The following ZNF395 variants were observed in gnomAD, a reference collection of about 807,000 sequenced individuals.
ZNF395 encodes the protein HD gene regulatory region-binding protein 2.
In ZNF395, 20 loss-of-function variants were observed where a neutral mutation model predicts 57.7. That is an observed-to-expected ratio of 0.35 (90% CI 0.24 to 0.50). The LOEUF is 0.50. ZNF395 is among the 20% of genes least tolerant of loss of function. The pLI, the probability that ZNF395 is intolerant of heterozygous loss-of-function variation, is 0.97. For synonymous variants in ZNF395, 295 were observed against 275.9 expected (o/e 1.07, Z -0.69); for missense variants, 606 against 671.2 (o/e 0.90, Z 1.07).
intron 7 of ZNF395, among the ~76,000 whole-genome samples, chr8:28,350,601 T>C (rs1189279856): frequency 6.6e-6 from 1 of 152,228 alleles, no homozygotes; most frequent in Admixed American, 6.5e-5. Flanking sequence ...TCAGGGCTAT[T>C]TGTGAAAACA....
chr8:28,368,474 G>A (rs1247888501), intron 1 of ZNF395: 2 of 152,226 alleles, frequency 1.3e-5, no homozygotes, highest in Non-Finnish European at 2.9e-5. Flanking sequence ...CCCAAAGCTA[G>A]CAAGCAGTGG....
intron 3 of ZNF395, among the ~76,000 whole-genome samples, chr8:28,357,808 T>C (rs1221949493): frequency 6.6e-6 from 1 of 152,218 alleles, no homozygotes; most frequent in African/African-American, 2.4e-5. Context: ...TTCGCACTCA[T>C]AGACAAACAC....
chr8:28,374,041 C>T (rs534779933), intron 1 of ZNF395, among the ~76,000 whole-genome samples: 1 of 152,196 alleles, frequency 6.6e-6, no homozygotes, highest in East Asian at 1.9e-4. Flanking sequence ...TTGGTATCAG[C>T]GTTTTTAACA....
chr8:28,376,678 C>T (rs1802044851), intron 1 of ZNF395, among the ~76,000 whole-genome samples: 1 of 151,962 alleles, frequency 6.6e-6, no homozygotes, highest in Non-Finnish European at 1.5e-5. Flanking sequence ...TATATGTAGC[C>T]CAGGGAACCA....
Position 28,362,774 on chromosome 8 carries a change from C to T in ZNF395, c.-58-1592G>A, listed in dbSNP as rs148122550. Among the ~76,000 whole-genome samples the T allele has an allele frequency of 8.6e-3, 1,316 of 152,234 alleles. 25 individuals are homozygous for T. Among genetic ancestry groups the T allele is most frequent in the African/African-American group, 0.03 (1,236 of 41,532 alleles). On this transcript the variant is annotated intron_variant, in intron 1 of 9. Coordinates refer to ENST00000344423, the MANE Select transcript of ZNF395 (RefSeq NM_018660.3). ...GCAAACATCTCCATAGTAACAAAAC[C>T]AAAATGGCAAAAGAATTGTAAAGAA...
At chr8:28,362,330 G>T (rs1445507995) in intron 1 of ZNF395, among the ~76,000 whole-genome samples, 1 of 152,194 alleles carries the variant, frequency 6.6e-6, no homozygotes, top group Non-Finnish European at 1.5e-5. Context: ...AATTCAGGTT[G>T]CCCTCCTCCT....
intron 1 of ZNF395, among the ~76,000 whole-genome samples, chr8:28,381,404 A>G (rs951107442): frequency 6.6e-6 from 1 of 151,948 alleles, no homozygotes. Flanking sequence ...GCTGGTCTCA[A>G]ACTCCAGGGT....
intron 1 of ZNF395, among the ~76,000 whole-genome samples, chr8:28,366,708 A>G (rs528716714): frequency 2.6e-5 from 4 of 151,824 alleles, no homozygotes; most frequent in African/African-American, 7.2e-5. Flanking sequence ...GCAGGTCACC[A>G]TTTGAACCTT....
intron 1 of ZNF395, among the ~76,000 whole-genome samples, chr8:28,381,860 C>G (rs1189646699): frequency 6.6e-6 from 1 of 152,172 alleles, no homozygotes; most frequent in Non-Finnish European, 1.5e-5. Flanking sequence ...GAACACAGGT[C>G]AAAGCCCTCT....
intron 1 of ZNF395, chr8:28,386,094 C>CCGCGGCCCTGCCCGCCCTCCCGG (rs1231442918): frequency 2.4e-4 from 35 of 147,334 alleles, no homozygotes; most frequent in Non-Finnish European, 4.1e-4. Context: ...GCTGCAGCGG[C>CCGCGGCCCTGCCCGCCCTCCCGG]CGCGGCCCTG....
Position 28,359,503 on chromosome 8 carries a change from A to G in ZNF395, c.473+89T>C. On this transcript the variant is annotated intron_variant, in intron 3 of 9. Coordinates refer to ENST00000344423, the MANE Select transcript of ZNF395 (RefSeq NM_018660.3). The surrounding 1 kb of genome is among the most constrained non-coding windows in gnomAD (Gnocchi z 4.7). ...TTGGCACCCAGATGCCAATGACACC[A>G]CATTTCTTCCCCACCACAACACAGC... 1 of 1,468,440 alleles carries G rather than the reference A, an allele frequency of 6.8e-7. No individual in the cohort carries two copies. The highest frequency in any genetic ancestry group is 9.1e-7 in the Non-Finnish European group (1 of 1,104,546). The allele number at this position is 1,468,440 out of a possible 1,614,324, so 91.0% of individuals were successfully genotyped here.
intron 1 of ZNF395, among the ~76,000 whole-genome samples, chr8:28,383,182 A>T (rs1473018762): frequency 6.6e-6 from 1 of 152,256 alleles, no homozygotes; most frequent in Non-Finnish European, 1.5e-5. Context: ...AAGGAGGCTA[A>T]GTAACAGTAA....
chr8:28,350,245 G>A (rs1266753220), intron 7 of ZNF395, 89 bp from the exon 8 acceptor site: 7 of 1,128,722 alleles, frequency 6.2e-6, no homozygotes, highest in African/African-American at 1.6e-5. Context: ...GACAGCAGCA[G>A]AAGGTGCATC....
intron 4 of ZNF395, among the ~76,000 whole-genome samples, chr8:28,355,041 A>T (rs185284754): frequency 1.3e-5 from 2 of 152,152 alleles, no homozygotes; most frequent in Non-Finnish European, 2.9e-5. Flanking sequence ...AACGTTATCT[A>T]TAAGTTATAA....
intron 1 of ZNF395, among the ~76,000 whole-genome samples, chr8:28,383,757 T>C (rs1436716960): frequency 6.6e-6 from 1 of 151,940 alleles, no homozygotes; most frequent in Non-Finnish European, 1.5e-5. Context: ...CCCTTCCCTC[T>C]CCCGGCATCT....
intron 1 of ZNF395, among the ~76,000 whole-genome samples, chr8:28,376,556 G>A (rs1165979564): frequency 6.6e-6 from 1 of 152,058 alleles, no homozygotes; most frequent in East Asian, 1.9e-4. Context: ...ATGAGGCAGA[G>A]GTTGCAGTAA....
chr8:28,348,259 CT>C lies in ZNF395; in HGVS notation c.*459del, dbSNP rs58805614. On this transcript the variant is annotated 3_prime_UTR_variant, in exon 10 of 10. Coordinates refer to ENST00000344423, the MANE Select transcript of ZNF395 (RefSeq NM_018660.3). ...CTGAGTCACCCATCAGCCAGAAACT[CT>C]TTTTTTTTTTTTTTTTTTTTTTTTT... is the stretch of plus-strand genomic sequence containing the variant. The C allele has an allele frequency of 8.4e-3, 758 of 90,450 alleles. 1 individual carries two copies. The highest frequency in any genetic ancestry group is 0.02 in the African/African-American group (478 of 23,614). 5.6% of individuals were successfully genotyped at this position (90,450 alleles called of 1,614,324 possible).
chr8:28,363,437 A>C (rs796843953), intron 1 of ZNF395, among the ~76,000 whole-genome samples: 1 of 151,974 alleles, frequency 6.6e-6, no homozygotes, highest in African/African-American at 2.4e-5. Context: ...CCTGGCCTTA[A>C]ACTGTTTTTT....
At position 28,352,162 on chromosome 8, in the gene ZNF395, A is replaced by G. The variant is rs886320470; in HGVS notation, c.921-355T>C. Among the ~76,000 whole-genome samples, 2 of 152,168 alleles carry G rather than the reference A, an allele frequency of 1.3e-5. No individual in the cohort carries two copies. Among genetic ancestry groups the G allele is most frequent in the Admixed American group, 1.3e-4 (2 of 15,276 alleles). ...CCATGAGTCAGCTCCTACCACTAGC[A>G]GCCTGCAAACTCGCTCTGCACAGAA... On this transcript the variant is annotated intron_variant, in intron 6 of 9. Transcript: ENST00000344423. This position sits in a 1 kb window ranked among gnomAD's most constrained non-coding sequence, Gnocchi z 4.0.
Sources: allele counts gnomAD v4.1 joint callset (sites outside exome capture counted in the v4.1 genomes callset), GRCh38; gene constraint gnomAD v4.1.1; non-coding constraint Gnocchi (gnomAD v3.1); transcripts MANE v1.5; gene names NCBI Gene and HGNC (gene_info 2026-07-23, HGNC 2026-07-21).